COMMD10: variants seen among roughly 807,000 people sequenced by gnomAD.
The protein encoded by COMMD10 is COMM domain-containing protein 10.
In COMMD10, 33 loss-of-function variants were observed where a neutral mutation model predicts 28.9. The ratio of observed to expected loss-of-function variants is 1.14; its 90% CI spans 0.87 to 1.53. The LOEUF (loss-of-function observed/expected upper bound fraction) is 1.53. Ranked by LOEUF, COMMD10 falls within the 40% of genes most tolerant of loss-of-function variation. COMMD10 has a pLI of 0.00. For missense variants in COMMD10, 310 were observed against 233.4 expected (o/e 1.33, Z -2.14); for synonymous variants, 110 against 81.7 (o/e 1.35, Z -1.87).
At chr5:116,181,661 ACC>A (rs1288954359) in intron 5 of COMMD10, among the ~76,000 whole-genome samples, 41 of 151,930 alleles carry the variant, frequency 2.7e-4, no homozygotes, top group Non-Finnish European at 4.4e-5. Context: ...TGGTCCAAGG[ACC>A]ATACTTTGAG....
At chr5:116,154,469 A>G (rs1300675893) in intron 5 of COMMD10, among the ~76,000 whole-genome samples, 1 of 152,150 alleles carries the variant, frequency 6.6e-6, no homozygotes, top group Non-Finnish European at 1.5e-5. Context: ...GACAAAGGGC[A>G]AACATGACCT....
At chr5:116,229,741 C>G (rs1425098741) in intron 5 of COMMD10, among the ~76,000 whole-genome samples, 1 of 151,786 alleles carries the variant, frequency 6.6e-6, no homozygotes, top group Non-Finnish European at 1.5e-5. Flanking sequence ...ATTTATTTGT[C>G]CAGCAAGTGA....
chr5:116,104,967 G>A lies in COMMD10; in HGVS notation c.399+12267G>A, dbSNP rs578229996. On this transcript the variant is annotated intron_variant, in intron 4 of 6. Transcript: ENST00000274458. The stretch of plus-strand genomic sequence containing the variant: ...CTTTCTTTCTTTCTCTTGCCTGATT[G>A]CCGTGGCTAGAACTTCCAATACTGT... Among the ~76,000 whole-genome samples, 3 of 152,244 alleles carry A rather than the reference G, an allele frequency of 2.0e-5. No individual in the cohort carries two copies. In the East Asian group the frequency reaches 5.8e-4, roughly 29 times the overall value.
chr5:116,163,582 T>C (rs942546515), intron 5 of COMMD10, among the ~76,000 whole-genome samples: 2 of 151,622 alleles, frequency 1.3e-5, no homozygotes, highest in Non-Finnish European at 2.9e-5. Context: ...ATAGCAACAC[T>C]CTGTCTCCAA....
chr5:116,279,064 G>T (rs1750995617), intron 5 of COMMD10, among the ~76,000 whole-genome samples: 1 of 151,786 alleles, frequency 6.6e-6, no homozygotes, highest in African/African-American at 2.4e-5. Flanking sequence ...ACTGGTGTAT[G>T]CATGTATGCC....
intron 5 of COMMD10, among the ~76,000 whole-genome samples, chr5:116,270,269 A>G (rs1012215544): frequency 6.6e-6 from 1 of 151,884 alleles, no homozygotes; most frequent in African/African-American, 2.4e-5. Context: ...GTGTTGGGTT[A>G]CAGGCTGTTT....
intron 5 of COMMD10, among the ~76,000 whole-genome samples, chr5:116,147,882 A>T (rs541110596): frequency 1.3e-5 from 2 of 151,988 alleles, no homozygotes; most frequent in South Asian, 4.1e-4. Flanking sequence ...TATCTTTCCA[A>T]GTCTGTCCAT....
At chr5:116,292,408 T>C (rs1255007839) in intron 6 of COMMD10, 43 bp from the exon 7 acceptor site, 1 of 1,416,258 alleles carries the variant, frequency 7.1e-7, no homozygotes, top group Non-Finnish European at 9.4e-7. Flanking sequence ...TGAGTTTCGT[T>C]CCCTTCACTA....
intron 5 of COMMD10, among the ~76,000 whole-genome samples, chr5:116,257,524 T>A (rs967811816): frequency 6.6e-6 from 1 of 151,676 alleles, no homozygotes; most frequent in Non-Finnish European, 1.5e-5. Context: ...AAACAGCTTT[T>A]GACAGTTGGT....
chr5:116,190,224 G>A (rs1029177693), intron 5 of COMMD10, among the ~76,000 whole-genome samples: 1 of 151,726 alleles, frequency 6.6e-6, no homozygotes, highest in South Asian at 2.1e-4. Flanking sequence ...GAGTCCTGAT[G>A]GTGTATTTTG....
chr5:116,162,469 G>A (rs1482908762), intron 5 of COMMD10, among the ~76,000 whole-genome samples: 1 of 151,750 alleles, frequency 6.6e-6, no homozygotes. Context: ...CATAATAGCT[G>A]CCCACTCAGG....
chr5:116,099,979 A>G (rs1189981878), intron 4 of COMMD10, among the ~76,000 whole-genome samples: 1 of 152,108 alleles, frequency 6.6e-6, no homozygotes. Flanking sequence ...TGTCTTGGGG[A>G]TGGTAAGCAA....
chr5:116,108,513 G>A (rs1283649995), intron 4 of COMMD10, among the ~76,000 whole-genome samples: 1 of 152,224 alleles, frequency 6.6e-6, no homozygotes, highest in Non-Finnish European at 1.5e-5. Context: ...GCCTACTCAA[G>A]CCTCAGCAAT....
chr5:116,232,961 C>T (rs1210944923), intron 5 of COMMD10, among the ~76,000 whole-genome samples: 1 of 152,150 alleles, frequency 6.6e-6, no homozygotes, highest in Non-Finnish European at 1.5e-5. Context: ...TATGCTCTTA[C>T]CCTTAAAAGG....
chr5:116,130,392 A>T (rs1196691336), intron 4 of COMMD10, among the ~76,000 whole-genome samples: 1 of 151,908 alleles, frequency 6.6e-6, no homozygotes, highest in Non-Finnish European at 1.5e-5. Flanking sequence ...TTCACTTATT[A>T]GTTTTCTGTT....
chr5:116,142,702 A>T (rs917095913), intron 5 of COMMD10, among the ~76,000 whole-genome samples: 4 of 151,732 alleles, frequency 2.6e-5, no homozygotes, highest in African/African-American at 9.7e-5. Context: ...GTAATATTAT[A>T]GCGCCCCCTC....
At chr5:116,266,867 G>T (rs1179693470) in intron 5 of COMMD10, among the ~76,000 whole-genome samples, 1 of 151,840 alleles carries the variant, frequency 6.6e-6, no homozygotes, top group African/African-American at 2.4e-5. Flanking sequence ...CTCAATAGAT[G>T]CAGAAAAGGC....
At chr5:116,146,380 A>T (rs577962909) in intron 5 of COMMD10, among the ~76,000 whole-genome samples, 1 of 151,952 alleles carries the variant, frequency 6.6e-6, no homozygotes, top group South Asian at 2.1e-4. Context: ...TTAAAATGTG[A>T]GAATTTTGTA....
At chr5:116,087,763 A>C (rs1367487895) in intron 2 of COMMD10, among the ~76,000 whole-genome samples, 176 bp downstream of exon 2, 3 of 152,244 alleles carry the variant, frequency 2.0e-5, no homozygotes, top group South Asian at 2.1e-4. Flanking sequence ...CTCTGTCTTC[A>C]ATAAAGTTAA....
Sources: gnomAD v4.1 joint callset for allele counts (sites outside exome capture counted in the v4.1 genomes callset) on GRCh38, gnomAD v4.1.1 for gene constraint, MANE v1.5 for transcripts, NCBI Gene and HGNC (gene_info 2026-07-23, HGNC 2026-07-21) for gene names.